NOX5: variants seen among roughly 807,000 people sequenced by gnomAD.
The protein encoded by NOX5 is NADPH oxidase, EF-hand calcium binding domain 5.
Under a neutral mutation model 85.7 loss-of-function variants are expected in NOX5, and 76 were observed. The observed-to-expected ratio is 0.89, with a 90% CI of 0.74 to 1.07. NOX5 has a LOEUF of 1.07. Among genes scored for constraint, NOX5 ranks in the 50% least tolerant of loss-of-function variants. The pLI is 0.00. For missense variants in NOX5, 973 were observed against 999.5 expected, an observed-to-expected ratio of 0.97 and a Z score of 0.36; for synonymous variants, 405 against 401.4, an observed-to-expected ratio of 1.01 and a Z score of -0.11.
chr15:69,054,023 T>A (rs528684588), intron 14 of NOX5, among the ~76,000 whole-genome samples: 19 of 152,136 alleles, frequency 1.2e-4, no homozygotes, highest in Non-Finnish European at 1.0e-4. Flanking sequence ...AGAGAGCAGG[T>A]TGGAATGGCA....
intron 9 of NOX5, among the ~76,000 whole-genome samples, chr15:69,039,193 A>G (rs1427036799): frequency 3.9e-5 from 6 of 152,216 alleles, no homozygotes; most frequent in African/African-American, 1.2e-4. Context: ...GAAGTCTTAC[A>G]GGGAGGGCCT....
At chr15:69,039,895 G>A (rs967537602) in intron 9 of NOX5, among the ~76,000 whole-genome samples, 2 of 152,228 alleles carry the variant, frequency 1.3e-5, no homozygotes, top group Non-Finnish European at 2.9e-5. Flanking sequence ...TTCCCACCAC[G>A]AGAGGTGCCT....
intron 3 of NOX5, 93 bp from the exon 4 acceptor site, chr15:69,031,425 G>T: frequency 7.3e-7 from 1 of 1,372,256 alleles, no homozygotes; most frequent in Non-Finnish European, 9.9e-7. Flanking sequence ...GGTGACATTT[G>T]GTCCTTCAGT....
At position 69,053,156 on chromosome 15, in the gene NOX5, T is replaced by C. The variant is rs192691763; in HGVS notation, c.2000-2178T>C. ...ATAATTTTTGGTTTATAATTTTTCA[T>C]TGCTATAGCTTAAGCGTCAATTATT... On this transcript the variant is annotated intron_variant, in intron 14 of 15. Coordinates refer to ENST00000388866, the MANE Select transcript of NOX5 (RefSeq NM_024505.4). Among the ~76,000 whole-genome samples the C allele has an allele frequency of 4.6e-5, 7 of 152,368 alleles. No individual in the cohort carries two copies. In the East Asian group the frequency reaches 1.3e-3, roughly 29 times the overall value.
In NOX5 at chr15:69,062,302, G is replaced by A. The variant is rs182708604; in HGVS notation, c.*5606G>A. Reference sequence around the variant, plus strand: ...ACCAGTTAGCCAGAAAGGAAGCTTGGAAGACCACCCAGCTAACTGGTCTTC... The same window carrying A: ...ACCAGTTAGCCAGAAAGGAAGCTTGAAAGACCACCCAGCTAACTGGTCTTC... On this transcript the variant is annotated 3_prime_UTR_variant, in exon 16 of 16. Coordinates refer to ENST00000388866, the MANE Select transcript of NOX5 (RefSeq NM_024505.4). The A allele has an allele frequency of 1.1e-4, 17 of 151,928 alleles. No individual in the cohort carries two copies. Among genetic ancestry groups the A allele is most frequent in the African/African-American group, 3.9e-4 (16 of 41,476 alleles). 9.4% of individuals were successfully genotyped at this position (151,928 alleles called of 1,614,324 possible).
At chr15:69,041,353 C>T (rs2050592717) in intron 9 of NOX5, among the ~76,000 whole-genome samples, 1 of 152,194 alleles carries the variant, frequency 6.6e-6, no homozygotes, top group African/African-American at 2.4e-5. Context: ...TATGAAGCAC[C>T]TCTCTAAGCC....
intron 10 of NOX5, among the ~76,000 whole-genome samples, chr15:69,045,582 T>TTTCTTTCTTTCTTCCC (rs1567105245): frequency 2.3e-5 from 1 of 44,288 alleles, no homozygotes; most frequent in Non-Finnish European, 4.1e-5. Context: ...CCTTTCTTTC[T>TTTCTTTCTTTCTTCCC]TTTCTTTCTT....
At position 69,062,109 on chromosome 15, in the gene NOX5, T is replaced by A. The variant is rs988442278; in HGVS notation, c.*5413T>A. 1 of 152,046 alleles carries A rather than the reference T, an allele frequency of 6.6e-6. No individual in the cohort carries two copies. The highest frequency in any genetic ancestry group is 2.4e-5 in the African/African-American group (1 of 41,402). 9.4% of individuals were successfully genotyped at this position (152,046 alleles called of 1,614,324 possible). On this transcript the variant is annotated 3_prime_UTR_variant, in exon 16 of 16. Coordinates refer to ENST00000388866, the MANE Select transcript of NOX5 (RefSeq NM_024505.4). ...GGTGACCCCATGAGGTACCCTTGGC[T>A]CCTCTATCTCCCCCATCTTCCTCCT...
intron 1 of NOX5, among the ~76,000 whole-genome samples, chr15:69,018,134 C>T (rs1015914899): frequency 3.3e-5 from 5 of 151,952 alleles, no homozygotes; most frequent in South Asian, 2.1e-4. Context: ...CCAGAGGCGC[C>T]GGTTGCTCAG....
At chr15:69,017,924 C>G (rs1567091044) in intron 1 of NOX5, among the ~76,000 whole-genome samples, 1 of 152,106 alleles carries the variant, frequency 6.6e-6, no homozygotes. Context: ...TTTAGAAAAC[C>G]ATGGAAGTGC....
rs944825225 is a variant in NOX5 at position 69,028,364 on chromosome 15, T to A, written c.324T>A (p.Asp108Glu). ...TCCTCTTCCAGGTGTATGACATCGA[T>A]GGTAAGGGCTCTTCCTGGGTGTGGG... ...LKFLFQVYDI[D>E]VCARQGASAG... Residue 108 changes from aspartate (D) to glutamate (E), a missense_variant and splice_region_variant, in exon 3 of 16, where the codon GAT becomes GAA. Physicochemically the swap from Asp to Glu is conservative, Grantham distance 45 (BLOSUM62 2). Coordinates refer to ENST00000388866, the MANE Select transcript of NOX5 (RefSeq NM_024505.4). The A allele has an allele frequency of 1.9e-6, 3 of 1,595,330 alleles. No homozygotes were observed. Among genetic ancestry groups the A allele is most frequent in the Non-Finnish European group, 2.6e-6 (3 of 1,169,576 alleles).
At chr15:69,054,771 G>A (rs762380530) in intron 14 of NOX5, among the ~76,000 whole-genome samples, 4 of 152,064 alleles carry the variant, frequency 2.6e-5, no homozygotes, top group Admixed American at 1.3e-4. Flanking sequence ...CCATTCACTC[G>A]ACCCTTGACC....
At chr15:69,039,775 C>T (rs1475380298) in intron 9 of NOX5, among the ~76,000 whole-genome samples, 1 of 152,218 alleles carries the variant, frequency 6.6e-6, no homozygotes, top group Non-Finnish European at 1.5e-5. Context: ...TGATGCTTTG[C>T]TCAGCTGTCC....
At chr15:69,030,878 A>C (rs1166743193) in intron 3 of NOX5, 1 of 152,228 alleles carries the variant, frequency 6.6e-6, no homozygotes, top group East Asian at 1.9e-4. Context: ...ACCCCAGAGG[A>C]CTTAGAGCCC....
chr15:69,037,409 G>T (rs972320089), intron 8 of NOX5, 199 bp downstream of exon 8: 11 of 581,262 alleles, frequency 1.9e-5, no homozygotes, highest in South Asian at 6.8e-5. Flanking sequence ...AAGATGAATG[G>T]CAGGGCAGGC....
intron 10 of NOX5, 61 bp from the exon 11 acceptor site, chr15:69,046,761 C>A (rs2050678540): frequency 1.3e-6 from 2 of 1,529,180 alleles, no homozygotes; most frequent in East Asian, 2.3e-5. Context: ...CAAGAAACTT[C>A]TAAGAAATCC....
At chr15:69,042,933 G>A (rs1038324093) in intron 10 of NOX5, 128 bp downstream of exon 10, 4 of 982,542 alleles carry the variant, frequency 4.1e-6, no homozygotes, top group South Asian at 1.7e-5. Context: ...GCACAAGGGG[G>A]TTAGGCAACT....
At chr15:69,042,590 A>G (rs185601692) in intron 9 of NOX5, 73 bp from the exon 10 acceptor site, 216 of 1,508,872 alleles carry the variant, frequency 1.4e-4, no homozygotes, top group Non-Finnish European at 1.7e-4. Flanking sequence ...CAATCCCTCC[A>G]GTGGGGTGAG....
chr15:69,035,964 C>T (rs368352405), intron 7 of NOX5, 28 bp downstream of exon 7: 54 of 1,612,670 alleles, frequency 3.3e-5, no homozygotes, highest in Non-Finnish European at 4.2e-5. Flanking sequence ...CTTTTGCTTC[C>T]CCCAAGGCCA....
Sources: allele counts gnomAD v4.1 joint callset (sites outside exome capture counted in the v4.1 genomes callset), GRCh38; gene constraint gnomAD v4.1.1; transcripts MANE v1.5; gene names NCBI Gene and HGNC (gene_info 2026-07-23, HGNC 2026-07-21).